The following ZNF589 variants were observed in gnomAD, a reference collection of about 807,000 sequenced individuals.
ZNF589 encodes the protein KRAB-zinc finger protein SZF1-1.
Under a neutral mutation model 13.6 loss-of-function variants are expected in ZNF589, and 17 were observed. That is an observed-to-expected ratio of 1.25 (90% CI 0.86 to 1.88). ZNF589 has a LOEUF of 1.88. Among genes scored for constraint, ZNF589 ranks in the 40% most tolerant of loss-of-function variants. The probability of loss-of-function intolerance (pLI) is 0.00; values close to 1 mark genes in which losing one functional copy is unlikely to be tolerated. For synonymous variants in ZNF589, 148 were observed against 161.6 expected, an observed-to-expected ratio of 0.92 and a Z score of 0.64; for missense variants, 407 against 434.0, an observed-to-expected ratio of 0.94 and a Z score of 0.55.
chr3:48,244,805 A>G (rs150272375), intron 1 of ZNF589, among the ~76,000 whole-genome samples: 268 of 150,988 alleles, frequency 1.8e-3, no homozygotes, highest in African/African-American at 6.0e-3. Context: ...GGGACGAATT[A>G]TAAGCTTTTT....
At chr3:48,248,887 G>A (rs538178989) in intron 2 of ZNF589, among the ~76,000 whole-genome samples, 4 of 152,248 alleles carry the variant, frequency 2.6e-5, no homozygotes, top group South Asian at 2.1e-4. Flanking sequence ...TTAAATTCGC[G>A]TAGCTTCATG....
chr3:48,255,795 G>A lies in ZNF589; in HGVS notation c.97-5018G>A, dbSNP rs145728998. 1.7e-3 allele frequency among the ~76,000 whole-genome samples: 257 copies of A among 151,808 alleles called. No homozygotes were observed. In the Middle Eastern group the frequency reaches 0.034, roughly 20 times the overall value. ...AGAGCCACCATGCCTGGCCAGAGAC[G>A]GGGTCTTGCCATGTTGCCCAGGCTG... On this transcript the variant is annotated intron_variant, in intron 2 of 3. Coordinates refer to ENST00000354698, the MANE Select transcript of ZNF589 (RefSeq NM_016089.3).
In ZNF589 at chr3:48,270,502, C is replaced by T. The variant is rs2034078546; in HGVS notation, c.*1716C>T. ...CAGGAATGGTGCCAGGGCCTTTAGC[C>T]ATTTGTCTCTCCTCACACTCCAGGG... is the stretch of plus-strand genomic sequence containing the variant. On this transcript the variant is annotated 3_prime_UTR_variant, in exon 4 of 4. Transcript: ENST00000354698. 5.7e-6 allele frequency: 2 copies of T among 352,052 alleles called. No individual in the cohort carries two copies. The highest frequency in any genetic ancestry group is 2.2e-5 in the South Asian group (1 of 45,260). The allele number at this position is 352,052 out of a possible 1,614,324, so 21.8% of individuals were successfully genotyped here. A position where few individuals can be genotyped will look rare whatever the true frequency, so the allele number is the denominator to read the frequency against.
At position 48,269,617 on chromosome 3, in the gene ZNF589, C is replaced by A; in HGVS notation, c.*831C>A. On this transcript the variant is annotated 3_prime_UTR_variant, in exon 4 of 4. Transcript: ENST00000354698. ...ACTCGGGGGAGAAGCCTTATGCATG[C>A]GTGGAGTGTGGGCAAAGCTTTAGGA... The A allele has an allele frequency of 2.9e-6, 1 of 342,250 alleles. No homozygotes were observed. Among genetic ancestry groups the A allele is most frequent in the Non-Finnish European group, 5.7e-6 (1 of 174,280 alleles). The allele number at this position is 342,250 out of a possible 1,614,324, so 21.2% of individuals were successfully genotyped here. A position where few individuals can be genotyped will look rare whatever the true frequency, so the allele number is the denominator to read the frequency against.
Position 48,268,589 on chromosome 3 carries a change from G to A in ZNF589, c.898G>A (p.Gly300Arg), listed in dbSNP as rs377678218. Residue 300 changes from glycine to arginine, a missense_variant, in exon 4 of 4, where the codon GGG (glycine) becomes AGG (arginine). Gly to Arg is a moderately radical substitution (Grantham distance 125, BLOSUM62 -2). Transcript: ENST00000354698. ...CCGCAACCACCTGAGTACACACTCC[G>A]GGGAGAAACCTTATGTGTGCAGCCA... ...VLRNHLSTHSGEKPYVCSHCG... is the reference protein window; with the variant it reads ...VLRNHLSTHSREKPYVCSHCG... 51 of 1,613,774 alleles carry A rather than the reference G, an allele frequency of 3.2e-5. No individual in the cohort carries two copies. The African/African-American group carries it at 4.5e-4, about 14-fold the overall frequency.
chr3:48,259,799 G>T (rs1034357029), intron 2 of ZNF589, among the ~76,000 whole-genome samples: 3 of 151,900 alleles, frequency 2.0e-5, no homozygotes, highest in African/African-American at 7.3e-5. Context: ...TGCACCTGTG[G>T]TCCCAGCTAC....
At chr3:48,256,652 T>G (rs2033906464) in intron 2 of ZNF589, 1 of 1,133,082 alleles carries the variant, frequency 8.8e-7, no homozygotes, top group Non-Finnish European at 1.3e-6. Flanking sequence ...CATGCCTCCA[T>G]GGGGCTGGAT....
intron 1 of ZNF589, among the ~76,000 whole-genome samples, chr3:48,241,670 ACAGGCGCC>A (rs1431594564): frequency 2.0e-5 from 3 of 152,062 alleles, no homozygotes; most frequent in African/African-American, 7.2e-5. Context: ...AGCTGGGATT[ACAGGCGCC>A]CTCCACCACG....
intron 3 of ZNF589, among the ~76,000 whole-genome samples, chr3:48,264,859 G>T (rs2034003279): frequency 6.6e-6 from 1 of 152,076 alleles, no homozygotes; most frequent in Non-Finnish European, 1.5e-5. Flanking sequence ...ATAAGAGAAA[G>T]AATTGGCTTT....
chr3:48,268,495 GAC>G lies in ZNF589; in HGVS notation c.812_813del (p.Thr271ArgfsTer17), dbSNP rs746944268. 1.4e-5 allele frequency: 23 copies of G among 1,612,766 alleles called. No individual in the cohort carries two copies. The highest frequency in any genetic ancestry group is 5.4e-5 in the African/African-American group (4 of 74,434). On this transcript the variant is annotated frameshift_variant, in exon 4 of 4. Coordinates refer to ENST00000354698, the MANE Select transcript of ZNF589 (RefSeq NM_016089.3). LOFTEE classifies it low-confidence loss of function (END_TRUNC). ...RKSQLIIHQR[T>X]HTGEKPYVCG... Reference sequence around the variant, plus strand: ...AGTCACAGCTCATCATACACCAGAGGACACACACAGGAGAAAAGCCTTATGTC... The same window carrying G: ...AGTCACAGCTCATCATACACCAGAGGACACACAGGAGAAAAGCCTTATGTC...
chr3:48,246,046 G>A (rs1339907806), intron 1 of ZNF589, among the ~76,000 whole-genome samples: 7 of 151,806 alleles, frequency 4.6e-5, no homozygotes, highest in Non-Finnish European at 1.0e-4. Context: ...GGCGTCGTGG[G>A]TCATGCCTAT....
chr3:48,267,839 G>A (rs973979661), intron 3 of ZNF589, 76 bp from the exon 4 acceptor site: 2 of 1,428,652 alleles, frequency 1.4e-6, no homozygotes, highest in African/African-American at 2.9e-5. Context: ...TGATTAATGG[G>A]CCAGGTCTTA....
Position 48,268,272 on chromosome 3 carries a change from A to G in ZNF589, c.581A>G (p.Asn194Ser). Reference protein sequence around the residue: ...ILEIQLSPAQNASSEEVDRIS... With the variant: ...ILEIQLSPAQSASSEEVDRIS... ...GAGATACAGCTCAGTCCAGCCCAGA[A>G]TGCAAGCTCTGAGGAAGTAGACAGA... The change falls in exon 4 of 4, where the codon AAT (asparagine) becomes AGT (serine). Residue 194 changes from asparagine (N) to serine (S), a missense_variant. Physicochemically the swap from Asn to Ser is conservative, Grantham distance 46. Coordinates refer to ENST00000354698, the MANE Select transcript of ZNF589 (RefSeq NM_016089.3). The G allele has an allele frequency of 1.2e-6, 2 of 1,611,386 alleles. No homozygotes were observed. Among genetic ancestry groups the G allele is most frequent in the Non-Finnish European group, 1.7e-6 (2 of 1,178,344 alleles).
chr3:48,245,796 A>C (rs1263095076), intron 1 of ZNF589, among the ~76,000 whole-genome samples: 1 of 151,936 alleles, frequency 6.6e-6, no homozygotes, highest in Non-Finnish European at 1.5e-5. Flanking sequence ...AAAATACGAA[A>C]ATTAGCCAGG....
chr3:48,264,765 G>T (rs1446022502), intron 3 of ZNF589, among the ~76,000 whole-genome samples: 1 of 152,000 alleles, frequency 6.6e-6, no homozygotes. Context: ...GGAAGCAGAG[G>T]TTGCAGTGAG....
At chr3:48,247,524 A>G in intron 1 of ZNF589, 101 bp from the exon 2 acceptor site, 1 of 1,322,914 alleles carries the variant, frequency 7.6e-7, no homozygotes, top group Non-Finnish European at 1.1e-6. Flanking sequence ...GTCAGCTGAG[A>G]AGGCTCAGGT....
chr3:48,254,254 C>CA (rs940024355), intron 2 of ZNF589, among the ~76,000 whole-genome samples: 32 of 147,912 alleles, frequency 2.2e-4, no homozygotes, highest in South Asian at 1.3e-3. Flanking sequence ...AACTCTGTCT[C>CA]AAAAAAAAAA....
chr3:48,247,718 C>T (rs1289940863), intron 2 of ZNF589, 41 bp downstream of exon 2: 1 of 1,606,094 alleles, frequency 6.2e-7, no homozygotes, highest in Non-Finnish European at 8.5e-7. Flanking sequence ...AATGCTGGCT[C>T]ATTTCTCAGA....
intron 2 of ZNF589, among the ~76,000 whole-genome samples, chr3:48,259,306 T>G (rs1243843984): frequency 6.6e-6 from 1 of 152,234 alleles, no homozygotes; most frequent in Non-Finnish European, 1.5e-5. Flanking sequence ...TCAGCATCAT[T>G]ATTATTCTCT....
Sources: gnomAD v4.1 joint callset for allele counts (sites outside exome capture counted in the v4.1 genomes callset) on GRCh38, gnomAD v4.1.1 for gene constraint, MANE v1.5 for transcripts, NCBI Gene and HGNC (gene_info 2026-07-23, HGNC 2026-07-21) for gene names.